KALRN: variants seen among roughly 807,000 people sequenced by gnomAD.
KALRN encodes kalirin RhoGEF kinase.
KALRN carries 70 observed loss-of-function variants against 353.7 expected under a neutral mutation model. That is an observed-to-expected ratio of 0.20 (90% CI 0.16 to 0.24). KALRN has a LOEUF of 0.24. KALRN is among the 10% of genes least tolerant of loss of function. KALRN has a pLI of 1.00. For synonymous variants in KALRN, 1,391 were observed against 1,434.8 expected, an observed-to-expected ratio of 0.97 and a Z score of 0.69; for missense variants, 2,791 against 3,756.7, an observed-to-expected ratio of 0.74 and a Z score of 6.72.
chr3:124,389,011 T>A (rs2088901813), intron 11 of KALRN, among the ~76,000 whole-genome samples: 1 of 152,204 alleles, frequency 6.6e-6, no homozygotes, highest in Admixed American at 6.5e-5. Flanking sequence ...GTGGTTGCTT[T>A]TCCTTCTTAC....
intron 33 of KALRN, among the ~76,000 whole-genome samples, chr3:124,520,002 C>G (rs556918321): frequency 5.2e-4 from 79 of 152,234 alleles, no homozygotes; most frequent in African/African-American, 1.8e-3. Context: ...ATGGCGGCAC[C>G]ACTGCAATTG....
chr3:124,439,995 T>G (rs1054706114), intron 18 of KALRN, among the ~76,000 whole-genome samples: 20 of 152,200 alleles, frequency 1.3e-4, no homozygotes, highest in Non-Finnish European at 2.5e-4. Context: ...ATTAACTGCC[T>G]TTCTTTTATT....
intron 10 of KALRN, among the ~76,000 whole-genome samples, chr3:124,360,796 G>T (rs1321392777): frequency 6.6e-6 from 1 of 152,216 alleles, no homozygotes; most frequent in African/African-American, 2.4e-5. Context: ...CGTGAGCAGG[G>T]TGGGCCTCAG....
At position 124,112,304 on chromosome 3, in the gene KALRN, C is replaced by CAA. The variant is rs111307023; in HGVS notation, c.73+78507_73+78508dup. On this transcript the variant is annotated intron_variant, in intron 1 of 59. Transcript: ENST00000682506. ...GGCTACAGAGTGAGACTCCATCTCA[C>CAA]AAAAAAAAAAAAAAAAAGAATCCTC... Among the ~76,000 whole-genome samples the CAA allele has an allele frequency of 9.7e-3, 1,215 of 125,786 alleles. 12 individuals carry two copies. The highest frequency in any genetic ancestry group is 0.011 in the African/African-American group (358 of 32,844). The allele number at this position is 125,786 out of a possible 152,430, so 82.5% of individuals were successfully genotyped here.
chr3:124,501,888 A>G (rs1414175367), intron 33 of KALRN, among the ~76,000 whole-genome samples: 1 of 152,258 alleles, frequency 6.6e-6, no homozygotes, highest in Non-Finnish European at 1.5e-5. Context: ...ACATTCTGGT[A>G]CATAGAAAAC....
intron 1 of KALRN, among the ~76,000 whole-genome samples, chr3:124,050,357 C>T (rs2040908378): frequency 6.6e-6 from 1 of 152,220 alleles, no homozygotes; most frequent in African/African-American, 2.4e-5. Context: ...TTGCTCAGCA[C>T]CAAGTGTGAG....
rs551617548 is a variant in KALRN, at chr3:124,347,106, T to C, written c.1648-37T>C. ...TGTTGTCACATGTCTTTCCTTCTGCTAGAAAGTCATTGTTGCTGTTATCCT... is the reference window on the plus strand; with the variant it reads ...TGTTGTCACATGTCTTTCCTTCTGCCAGAAAGTCATTGTTGCTGTTATCCT... On this transcript the variant is annotated intron_variant, in intron 9 of 59. Coordinates refer to ENST00000682506, the MANE Select transcript of KALRN (RefSeq NM_001388419.1). 31 of 1,613,256 alleles carry C rather than the reference T, an allele frequency of 1.9e-5. 2 individuals are homozygous for C. The African/African-American group carries it at 2.4e-4, about 12-fold the overall frequency.
chr3:124,708,862 C>A (rs1275224527), intron 57 of KALRN, among the ~76,000 whole-genome samples: 1 of 151,716 alleles, frequency 6.6e-6, no homozygotes, highest in Non-Finnish European at 1.5e-5. Flanking sequence ...GAAAAAAAAT[C>A]TTGAAAGAAA....
intron 1 of KALRN, among the ~76,000 whole-genome samples, chr3:124,056,530 G>A (rs1018001493): frequency 2.6e-5 from 4 of 152,156 alleles, no homozygotes; most frequent in Admixed American, 6.5e-5. Flanking sequence ...TGATCACTGA[G>A]GTTCCTTTAA....
At chr3:124,304,615 C>T (rs1180942551) in intron 6 of KALRN, among the ~76,000 whole-genome samples, 5 of 152,120 alleles carry the variant, frequency 3.3e-5, no homozygotes, top group Non-Finnish European at 4.4e-5. Context: ...TTTAAAGTAT[C>T]GGAAATGGTC....
At chr3:124,412,878 G>A (rs115827523) in intron 13 of KALRN, among the ~76,000 whole-genome samples, 1,535 of 152,212 alleles carry the variant, frequency 0.01, 25 homozygotes, top group African/African-American at 0.035. Flanking sequence ...AGGACCCTTG[G>A]GTTTGATGGA....
intron 34 of KALRN, chr3:124,584,587 A>G: frequency 7.3e-7 from 1 of 1,376,694 alleles, no homozygotes; most frequent in Non-Finnish European, 9.4e-7. Context: ...TCCTGCCCAC[A>G]GCTGGACCTT....
intron 6 of KALRN, among the ~76,000 whole-genome samples, chr3:124,311,890 A>G (rs2078303292): frequency 6.6e-6 from 1 of 152,230 alleles, no homozygotes; most frequent in South Asian, 2.1e-4. Context: ...AAGTGAAAGA[A>G]GCTAGTAACC....
intron 6 of KALRN, among the ~76,000 whole-genome samples, chr3:124,321,350 G>T (rs1580927366): frequency 6.6e-6 from 1 of 152,210 alleles, no homozygotes; most frequent in African/African-American, 2.4e-5. Context: ...TTGCATAAAT[G>T]ATTATTTCTA....
intron 55 of KALRN, among the ~76,000 whole-genome samples, chr3:124,698,541 G>T (rs1049476626): frequency 2.6e-5 from 4 of 152,124 alleles, no homozygotes; most frequent in Non-Finnish European, 5.9e-5. Context: ...TAACATGCTC[G>T]ATCACCCAGA....
chr3:124,557,351 A>G (rs577300363), intron 33 of KALRN, among the ~76,000 whole-genome samples: 2 of 152,336 alleles, frequency 1.3e-5, no homozygotes, highest in East Asian at 3.9e-4. Flanking sequence ...GTACAGCTGC[A>G]TGTCACTTGT....
chr3:124,549,036 G>C (rs979979450), intron 33 of KALRN, among the ~76,000 whole-genome samples: 10 of 152,308 alleles, frequency 6.6e-5, no homozygotes, highest in African/African-American at 2.4e-4. Context: ...GAACTGAACT[G>C]AGTGTTCTAA....
chr3:124,091,816 A>C (rs753337429), intron 1 of KALRN, among the ~76,000 whole-genome samples: 1 of 152,246 alleles, frequency 6.6e-6, no homozygotes, highest in Non-Finnish European at 1.5e-5. Flanking sequence ...AGACAAAACA[A>C]AAACAACAAC....
chr3:124,323,938 A>G (rs1183553746), intron 6 of KALRN, among the ~76,000 whole-genome samples: 4 of 152,152 alleles, frequency 2.6e-5, no homozygotes, highest in African/African-American at 9.7e-5. Context: ...ATCGGCGGTG[A>G]TCACTCTCTG....
Sources: allele counts gnomAD v4.1 joint callset (sites outside exome capture counted in the v4.1 genomes callset), GRCh38; gene constraint gnomAD v4.1.1; transcripts MANE v1.5; gene names NCBI Gene and HGNC (gene_info 2026-07-23, HGNC 2026-07-21).